NRP2: variants seen among roughly 807,000 people sequenced by gnomAD.
The protein encoded by NRP2 is neuropilin-2.
NRP2 carries 52 observed loss-of-function variants against 110.4 expected under a neutral mutation model. The observed-to-expected ratio is 0.47, with a 90% CI of 0.38 to 0.59. The LOEUF (loss-of-function observed/expected upper bound fraction) is 0.59. NRP2 is among the 20% of genes least tolerant of loss of function. NRP2 has a pLI of 0.00. For synonymous variants in NRP2, 508 were observed against 468.9 expected (o/e 1.08, Z -1.08); for missense variants, 1,049 against 1,203.0 (o/e 0.87, Z 1.89).
rs563817872 is a variant in NRP2 at position 205,787,855 on chromosome 2, T to C, written c.2426-4380T>C. On this transcript the variant is annotated intron_variant, in intron 15 of 16. Coordinates refer to ENST00000357785, the MANE Select transcript of NRP2 (RefSeq NM_003872.3). ...TCAGTAGGAATTTCCAGGCAGCAGG[T>C]TGGAGTGTCTTGGGGGTGTTTCCCC... is the stretch of plus-strand genomic sequence containing the variant. Among the ~76,000 whole-genome samples the C allele has an allele frequency of 3.3e-5, 5 of 151,954 alleles. No homozygotes were observed. The South Asian group carries it at 6.3e-4, about 19-fold the overall frequency.
chr2:205,706,147 A>G (rs555750872), intron 2 of NRP2, among the ~76,000 whole-genome samples: 1 of 151,840 alleles, frequency 6.6e-6, no homozygotes, highest in African/African-American at 2.4e-5. Context: ...CTGGAGTCCA[A>G]AGATGTGAGG....
intron 3 of NRP2, among the ~76,000 whole-genome samples, chr2:205,720,958 T>C (rs1283985747): frequency 1.3e-5 from 2 of 152,126 alleles, no homozygotes; most frequent in Non-Finnish European, 2.9e-5. Context: ...GTGTTCCTAG[T>C]CCCTACCCTG....
At chr2:205,743,624 A>G in intron 9 of NRP2, 72 bp downstream of exon 9, 1 of 1,573,562 alleles carries the variant, frequency 6.4e-7, no homozygotes, top group Non-Finnish European at 8.6e-7. Context: ...GGGAGTTGAG[A>G]CTGATGATGT....
At chr2:205,779,716 A>T (rs942382229) in intron 15 of NRP2, 6 of 152,164 alleles carry the variant, frequency 3.9e-5, no homozygotes, top group Admixed American at 1.3e-4. Flanking sequence ...TTATACAAAC[A>T]TGTGAGGTTT....
intron 6 of NRP2, among the ~76,000 whole-genome samples, chr2:205,727,091 A>C (rs143176641): frequency 3.9e-5 from 6 of 152,336 alleles, no homozygotes; most frequent in African/African-American, 1.4e-4. Context: ...TCATACGTGT[A>C]GACAGCACTA....
intron 2 of NRP2, 66 bp from the exon 3 acceptor site, chr2:205,716,127 A>G (rs992443039): frequency 1.3e-6 from 2 of 1,515,272 alleles, no homozygotes; most frequent in South Asian, 2.2e-5. Context: ...CATAAGTGGG[A>G]GCGACACAGT....
At chr2:205,777,286 T>A in intron 15 of NRP2, 1 of 299,474 alleles carries the variant, frequency 3.3e-6, no homozygotes, top group Non-Finnish European at 4.9e-6. Flanking sequence ...AAGGTTCCCC[T>A]AGCACACTCA....
intron 6 of NRP2, among the ~76,000 whole-genome samples, chr2:205,727,344 C>G (rs78831204): frequency 1.3e-5 from 2 of 152,202 alleles, no homozygotes; most frequent in African/African-American, 4.8e-5. Flanking sequence ...GGTCAGGACT[C>G]GGTGCATAAG....
chr2:205,791,270 G>T (rs762478590), intron 15 of NRP2, among the ~76,000 whole-genome samples: 2 of 152,172 alleles, frequency 1.3e-5, no homozygotes, highest in South Asian at 2.1e-4. Context: ...CTTCAAGATT[G>T]TTTATCTGAC....
intron 12 of NRP2, among the ~76,000 whole-genome samples, chr2:205,757,886 C>T (rs1329710902): frequency 8.2e-6 from 1 of 121,246 alleles, no homozygotes; most frequent in East Asian, 2.2e-4. Flanking sequence ...CAGGAAGAAG[C>T]TTTCTTTACC....
At chr2:205,708,873 A>T (rs2056741010) in intron 2 of NRP2, among the ~76,000 whole-genome samples, 1 of 152,250 alleles carries the variant, frequency 6.6e-6, no homozygotes, top group East Asian at 1.9e-4. Context: ...AACTGCAAAC[A>T]GCCACTATTA....
rs1014224798 is a variant in NRP2 at position 205,764,147 on chromosome 2, A to G, written c.2307+211A>G. The G allele has an allele frequency of 6.3e-6, 4 of 631,746 alleles. No homozygotes were observed. In the Admixed American group the frequency reaches 9.5e-5, roughly 15 times the overall value. 39.1% of individuals were successfully genotyped at this position (631,746 alleles called of 1,614,324 possible). A position where few individuals can be genotyped will look rare whatever the true frequency, so the allele number is the denominator to read the frequency against. On this transcript the variant is annotated intron_variant, in intron 13 of 16. Coordinates refer to ENST00000357785, the MANE Select transcript of NRP2 (RefSeq NM_003872.3). ...CTTTGTTCCTCCTGTTGCCTTTTAT[A>G]TTGCTGAAATCTTCTCCAACAAATG... is the stretch of plus-strand genomic sequence containing the variant.
chr2:205,725,594 T>C lies in NRP2; in HGVS notation c.821-319T>C, dbSNP rs1406518634. ...TATCTCACATTTACCTGTATTGCAG[T>C]AATGGTGCATCTGGCATCTGTAGCC... On this transcript the variant is annotated intron_variant, in intron 5 of 16. Transcript: ENST00000357785. The surrounding 1 kb of genome is among the most constrained non-coding windows in gnomAD (Gnocchi z 4.1). Among the ~76,000 whole-genome samples the C allele has an allele frequency of 1.3e-5, 2 of 152,226 alleles. No homozygotes were observed. Among genetic ancestry groups the C allele is most frequent in the African/African-American group, 4.8e-5 (2 of 41,470 alleles).
Position 205,727,956 on chromosome 2 carries a change from A to G in NRP2, c.1056A>G (p.Thr352=). Reference sequence around the variant, plus strand: ...CACAGGGAGCGATTTCCAGGGAAACACAGAATGGCTACTATGTCAAATCCT... The same window carrying G: ...CACAGGGAGCGATTTCCAGGGAAACGCAGAATGGCTACTATGTCAAATCCT... The part of the protein sequence containing the change: ...IATQGAISRE[T]QNGYYVKSYK... The change falls in exon 7 of 17, where the codon ACA becomes ACG. Residue 352 remains threonine (T), a synonymous_variant. Coordinates refer to ENST00000357785, the MANE Select transcript of NRP2 (RefSeq NM_003872.3). The G allele has an allele frequency of 6.2e-7, 1 of 1,614,182 alleles. No individual in the cohort carries two copies. The highest frequency in any genetic ancestry group is 1.1e-5 in the South Asian group (1 of 91,086).
At chr2:205,728,825 T>C (rs556805054) in intron 7 of NRP2, among the ~76,000 whole-genome samples, 8 of 152,274 alleles carry the variant, frequency 5.3e-5, no homozygotes, top group African/African-American at 1.4e-4. Context: ...AGGATTGGGG[T>C]ATCTGTGATG....
intron 7 of NRP2, among the ~76,000 whole-genome samples, chr2:205,736,502 G>A (rs2057345787): frequency 6.6e-6 from 1 of 152,162 alleles, no homozygotes; most frequent in Non-Finnish European, 1.5e-5. Flanking sequence ...GAAAATTGTT[G>A]GCCTGAAGGT....
At chr2:205,764,090 G>A in intron 13 of NRP2, 154 bp downstream of exon 13, 2 of 961,428 alleles carry the variant, frequency 2.1e-6, no homozygotes, top group Non-Finnish European at 3.1e-6. Context: ...TTGTTATTCA[G>A]AATATGCCTA....
chr2:205,781,911 T>C (rs992759555), intron 15 of NRP2, among the ~76,000 whole-genome samples: 9 of 152,152 alleles, frequency 5.9e-5, no homozygotes, highest in Non-Finnish European at 1.0e-4. Flanking sequence ...ACAGTATGTA[T>C]AGAGGTCAGA....
chr2:205,763,777 G>A lies in NRP2; in HGVS notation c.2148G>A (p.Met716Ile). The change falls in exon 13 of 17, where the codon ATG becomes ATA. Residue 716 changes from methionine (M) to isoleucine (I), a missense_variant. Met to Ile is a conservative substitution (Grantham distance 10). Transcript: ENST00000357785. The surrounding 1 kb of genome is among the most constrained non-coding windows in gnomAD (Gnocchi z 4.0). ...ACCTGCCCCGAAGCCCGGTGTGCAT[G>A]GAGTTCCAGTACCAGGCCACGGGCG... Reference protein sequence around the residue: ...PVHLPRSPVCMEFQYQATGGR... With the variant: ...PVHLPRSPVCIEFQYQATGGR... The A allele has an allele frequency of 6.2e-7, 1 of 1,614,220 alleles. No individual in the cohort carries two copies. The highest frequency in any genetic ancestry group is 8.5e-7 in the Non-Finnish European group (1 of 1,180,044).
Sources: allele counts gnomAD v4.1 joint callset (sites outside exome capture counted in the v4.1 genomes callset), GRCh38; gene constraint gnomAD v4.1.1; non-coding constraint Gnocchi (gnomAD v3.1); transcripts MANE v1.5; gene names NCBI Gene and HGNC (gene_info 2026-07-23, HGNC 2026-07-21).